Variants in SYNE1 observed in about 807,000 individuals in gnomAD.
SYNE1 encodes the protein spectrin repeat containing nuclear envelope protein 1.
In SYNE1, 616 loss-of-function variants were observed where a neutral mutation model predicts 1,111.0. The observed-to-expected ratio is 0.55, with a 90% CI of 0.52 to 0.59. SYNE1 has a LOEUF of 0.59. Ranked by LOEUF, SYNE1 falls within the 20% of genes least tolerant of loss-of-function variation. The pLI, the probability that SYNE1 is intolerant of heterozygous loss-of-function variation, is 0.00. For missense variants in SYNE1, 10,006 were observed against 10,417.0 expected, an observed-to-expected ratio of 0.96 and a Z score of 1.72; for synonymous variants, 3,855 against 3,825.8, an observed-to-expected ratio of 1.01 and a Z score of -0.28.
chr6:152,244,425 G>T, intron 106 of SYNE1, 112 bp downstream of exon 106: 1 of 1,528,760 alleles, frequency 6.5e-7, no homozygotes, highest in Non-Finnish European at 9.0e-7. Context: ...GAAAGGTTAG[G>T]ACCTAAGTGG....
chr6:152,166,854 T>A (rs1028025427), intron 130 of SYNE1, among the ~76,000 whole-genome samples: 2 of 152,232 alleles, frequency 1.3e-5, no homozygotes, highest in Non-Finnish European at 2.9e-5. Context: ...GTAGGATTAA[T>A]AAGCCTTGGC....
At chr6:152,364,773 A>G (rs544531887) in intron 63 of SYNE1, 74 bp downstream of exon 63, 26 of 1,588,808 alleles carry the variant, frequency 1.6e-5, no homozygotes, top group Non-Finnish European at 2.1e-5. Context: ...CGGCCACAGG[A>G]ATGGTCTGTT....
chr6:152,508,644 T>G (rs1010953672), intron 8 of SYNE1, among the ~76,000 whole-genome samples: 1 of 152,222 alleles, frequency 6.6e-6, no homozygotes, highest in Non-Finnish European at 1.5e-5. Context: ...GACACATCAG[T>G]GTGCAGTCAC....
At chr6:152,273,563 G>A (rs1431199627) in intron 98 of SYNE1, among the ~76,000 whole-genome samples, 1 of 152,150 alleles carries the variant, frequency 6.6e-6, no homozygotes, top group Admixed American at 6.5e-5. Flanking sequence ...TAATGAATGG[G>A]AAAAAGATAA....
rs2099262715 is a variant in SYNE1 at position 152,540,197 on chromosome 6, A to G, written c.68-176T>C. On this transcript the variant is annotated intron_variant, in intron 3 of 145. Transcript: ENST00000367255. ...AGAGTCGATCTACATAATCATATAG[A>G]CTATTCCTTTAAAAATTATCTGCAA... Among the ~76,000 whole-genome samples the G allele has an allele frequency of 2.7e-5, 4 of 148,676 alleles. No individual in the cohort carries two copies. The South Asian group carries it at 8.3e-4, about 31-fold the overall frequency.
At chr6:152,425,809 A>G (rs1393877883) in intron 38 of SYNE1, among the ~76,000 whole-genome samples, 2 of 152,256 alleles carry the variant, frequency 1.3e-5, no homozygotes, top group Non-Finnish European at 2.9e-5. Flanking sequence ...AAATCAAGTA[A>G]TAAAATGCGA....
At chr6:152,549,934 G>T (rs1021309134) in intron 3 of SYNE1, among the ~76,000 whole-genome samples, 1 of 152,176 alleles carries the variant, frequency 6.6e-6, no homozygotes, top group Non-Finnish European at 1.5e-5. Flanking sequence ...ATCTAAGGCA[G>T]ATGGGATGAA....
chr6:152,254,259 T>A (rs2090285685), intron 104 of SYNE1, among the ~76,000 whole-genome samples: 1 of 133,486 alleles, frequency 7.5e-6, no homozygotes, highest in Non-Finnish European at 1.6e-5. Context: ...TTTTTTTTTT[T>A]TTTTTTTTTT....
intron 127 of SYNE1, among the ~76,000 whole-genome samples, chr6:152,190,839 T>G (rs2813528): frequency 0.39 from 59,430 of 152,050 alleles, 11,764 homozygotes; most frequent in African/African-American, 0.47. Context: ...AAAGTGGACA[T>G]CCTTGTTGTG....
intron 3 of SYNE1, among the ~76,000 whole-genome samples, chr6:152,564,066 T>G (rs2099403430): frequency 1.3e-5 from 2 of 152,178 alleles, no homozygotes; most frequent in Non-Finnish European, 2.9e-5. Context: ...CAAAGAATAT[T>G]TTTTAAATTC....
intron 117 of SYNE1, among the ~76,000 whole-genome samples, 154 bp downstream of exon 117, chr6:152,224,340 C>T (rs1055405983): frequency 2.0e-5 from 3 of 151,984 alleles, no homozygotes; most frequent in African/African-American, 7.3e-5. Flanking sequence ...GCTCAAGTAA[C>T]AATAACACAG....
intron 53 of SYNE1, 119 bp from the exon 54 acceptor site, chr6:152,387,500 A>T (rs993698785): frequency 5.6e-6 from 6 of 1,072,756 alleles, no homozygotes; most frequent in Non-Finnish European, 1.4e-6. Flanking sequence ...GAAGTGATGA[A>T]AATGTTGCTT....
rs1185668483 is a variant in SYNE1, at chr6:152,604,944, CAAAGAAAG to C, written c.67+23313_67+23320del. Among the ~76,000 whole-genome samples the C allele has an allele frequency of 4.4e-3, 291 of 65,898 alleles. 7 individuals are homozygous for C. Among genetic ancestry groups the C allele is most frequent in the Non-Finnish European group, 5.2e-3 (172 of 32,890 alleles). 43.2% of individuals were successfully genotyped at this position (65,898 alleles called of 152,430 possible). Reference sequence around the variant, plus strand: ...ACTCAAACAGTGAGACCCTATCTCACAAAGAAAGAAAGAAAGAAAGAAAGAAAGAAAGA... The same window carrying C: ...ACTCAAACAGTGAGACCCTATCTCACAAAGAAAGAAAGAAAGAAAGAAAGA... On this transcript the variant is annotated intron_variant, in intron 3 of 145. Transcript: ENST00000367255.
At position 152,428,348 on chromosome 6, in the gene SYNE1, G is replaced by A; in HGVS notation, c.4833C>T (p.Ala1611=). The part of the protein sequence containing the change: ...ALESLSSAIT[A]FSASARKVVN... ...CAACCTTCCTGGCACTGGCTGAGAAGGCAGTGATCGCGCTGCTCAGTGACT... is the reference window on the plus strand; with the variant it reads ...CAACCTTCCTGGCACTGGCTGAGAAAGCAGTGATCGCGCTGCTCAGTGACT... Residue 1611 remains alanine, a synonymous_variant, in exon 37 of 146, where the codon GCC becomes GCT. Coordinates refer to ENST00000367255, the MANE Select transcript of SYNE1 (RefSeq NM_182961.4). 1 of 1,614,092 alleles carries A rather than the reference G, an allele frequency of 6.2e-7. No homozygotes were observed. Among genetic ancestry groups the A allele is most frequent in the Non-Finnish European group, 8.5e-7 (1 of 1,180,034 alleles).
In SYNE1 at chr6:152,398,675, A is replaced by G; in HGVS notation, c.7294T>C (p.Ser2432Pro). ...FLGAKAAAKE[S>P]SDRTGDSKVL... is the part of the protein sequence containing the mutation. ...TTGCTGTCACCGGTGCGATCTGATGATTCTTTTGCTGCTGCCTTTGCTCCC... is the reference window on the plus strand; with the variant it reads ...TTGCTGTCACCGGTGCGATCTGATGGTTCTTTTGCTGCTGCCTTTGCTCCC... Residue 2432 changes from serine to proline, a missense_variant, in exon 49 of 146, where the codon TCA becomes CCA. Around this residue, in one of 7 missense-constraint regions of SYNE1, gnomAD observed 4,955 missense variants for 5,017.2 expected, o/e 0.99. Coordinates refer to ENST00000367255, the MANE Select transcript of SYNE1 (RefSeq NM_182961.4). 6.2e-7 allele frequency: 1 copy of G among 1,614,044 alleles called. No homozygotes were observed. The highest frequency in any genetic ancestry group is 8.5e-7 in the Non-Finnish European group (1 of 1,179,924).
intron 95 of SYNE1, among the ~76,000 whole-genome samples, chr6:152,290,374 T>C (rs2094543839): frequency 6.6e-6 from 1 of 152,126 alleles, no homozygotes; most frequent in African/African-American, 2.4e-5. Flanking sequence ...CTGGCCAACA[T>C]GGTGAAACCT....
chr6:152,444,132 A>G (rs886550783), intron 30 of SYNE1, among the ~76,000 whole-genome samples: 4 of 152,238 alleles, frequency 2.6e-5, no homozygotes, highest in Admixed American at 2.6e-4. Flanking sequence ...GCAGTTTTTC[A>G]TAGCTAAATC....
At chr6:152,299,738 A>G (rs10485257) in intron 93 of SYNE1, among the ~76,000 whole-genome samples, 22,760 of 152,002 alleles carry the variant, frequency 0.15, 2,158 homozygotes, top group South Asian at 0.26. Context: ...ATCCTATGAC[A>G]GTCTGAATGC....
chr6:152,617,181 T>C (rs1363410090), intron 3 of SYNE1, among the ~76,000 whole-genome samples: 2 of 152,214 alleles, frequency 1.3e-5, no homozygotes, highest in Non-Finnish European at 2.9e-5. Flanking sequence ...GAACTATAAG[T>C]TCCTTCCCAT....
Sources: gnomAD v4.1 joint callset for allele counts (sites outside exome capture counted in the v4.1 genomes callset) on GRCh38, gnomAD v4.1.1 for gene constraint, gnomAD v4.1.1 regional missense constraint, MANE v1.5 for transcripts, NCBI Gene and HGNC (gene_info 2026-07-23, HGNC 2026-07-21) for gene names.